Variants in BAZ2B observed in about 807,000 individuals in gnomAD.
BAZ2B encodes the protein bromodomain adjacent to zinc finger domain protein 2B.
BAZ2B carries 91 observed loss-of-function variants against 246.0 expected under a neutral mutation model. The ratio of observed to expected loss-of-function variants is 0.37; its 90% CI spans 0.31 to 0.44. The LOEUF (loss-of-function observed/expected upper bound fraction) is 0.44, where lower values mean the gene tolerates loss of function less well. Among genes scored for constraint, BAZ2B ranks in the 20% least tolerant of loss-of-function variants. BAZ2B has a pLI of 1.00. For missense variants in BAZ2B, 2,332 were observed against 2,533.7 expected (o/e 0.92, Z 1.71); for synonymous variants, 855 against 860.0 (o/e 0.99, Z 0.10).
At chr2:159,402,641 T>C (rs1008319225) in intron 16 of BAZ2B, among the ~76,000 whole-genome samples, 1 of 152,196 alleles carries the variant, frequency 6.6e-6, no homozygotes, top group South Asian at 2.1e-4. Context: ...TATAACATTA[T>C]AAGGTGCTAT....
At chr2:159,393,226 T>A (rs1166024243) in intron 20 of BAZ2B, among the ~76,000 whole-genome samples, 5 of 152,158 alleles carry the variant, frequency 3.3e-5, no homozygotes, top group Admixed American at 3.3e-4. Flanking sequence ...TTTATCGTAA[T>A]TGCAATGAGA....
At chr2:159,678,283 G>GATCA in the BAZ2B span, among the ~76,000 whole-genome samples, 14 of 152,252 alleles carry the variant, frequency 9.2e-5, no homozygotes, top group East Asian at 2.7e-3. Flanking sequence ...TAAGTTATTT[G>GATCA]ATCAAGTTCC....
chr2:159,365,188 T>G (rs536031209), intron 27 of BAZ2B, among the ~76,000 whole-genome samples: 30 of 152,270 alleles, frequency 2.0e-4, no homozygotes, highest in African/African-American at 7.0e-4. Flanking sequence ...CCATGTAGAA[T>G]GGTATTGCCA....
chr2:159,591,272 A>G (rs1482455311), intron 1 of BAZ2B, among the ~76,000 whole-genome samples: 3 of 152,244 alleles, frequency 2.0e-5, no homozygotes, highest in Non-Finnish European at 2.9e-5. Context: ...AATGAAAATT[A>G]AGTTCCAGAC....
chr2:159,399,056 C>T lies in BAZ2B; in HGVS notation c.2899-162G>A, dbSNP rs1342923443. ...TCCCCCCAGTTAACATTATGTTTAA[C>T]GTAATAATTTTGTTTCTAATTTATA... On this transcript the variant is annotated intron_variant, in intron 17 of 36. Coordinates refer to ENST00000392783, the MANE Select transcript of BAZ2B (RefSeq NM_013450.4). The T allele has an allele frequency of 6.5e-5, 35 of 535,008 alleles. 1 individual carries two copies. In the Middle Eastern group the frequency reaches 1.7e-3, roughly 25 times the overall value. The allele number at this position is 535,008 out of a possible 1,614,324, so 33.1% of individuals were successfully genotyped here. A position where few individuals can be genotyped will look rare whatever the true frequency, so the allele number is the denominator to read the frequency against.
chr2:159,360,845 T>C (rs1483162100), intron 27 of BAZ2B, among the ~76,000 whole-genome samples: 1 of 152,126 alleles, frequency 6.6e-6, no homozygotes, highest in African/African-American at 2.4e-5. Context: ...AAACAAGCAA[T>C]GGGGAAAGGA....
At chr2:159,400,781 C>G in intron 16 of BAZ2B, 117 bp from the exon 17 acceptor site, 1 of 563,328 alleles carries the variant, frequency 1.8e-6, no homozygotes, top group South Asian at 2.1e-5. Flanking sequence ...TGGCTCACAC[C>G]TGTAATCCCA....
the BAZ2B span, among the ~76,000 whole-genome samples, chr2:159,633,381 T>A: frequency 6.6e-6 from 1 of 152,172 alleles, no homozygotes; most frequent in East Asian, 1.9e-4. Context: ...AATGACTACT[T>A]TTTCTGGGTA....
At chr2:159,423,000 T>C (rs961460365) in intron 13 of BAZ2B, among the ~76,000 whole-genome samples, 3 of 152,042 alleles carry the variant, frequency 2.0e-5, no homozygotes, top group Non-Finnish European at 4.4e-5. Context: ...TGAAATACTA[T>C]CTCATTCTGA....
chr2:159,457,496 C>T (rs1440372136), intron 3 of BAZ2B, among the ~76,000 whole-genome samples: 1 of 152,200 alleles, frequency 6.6e-6, no homozygotes, highest in Non-Finnish European at 1.5e-5. Flanking sequence ...AAAAAGCTGT[C>T]TTGAGTCTTT....
intron 2 of BAZ2B, among the ~76,000 whole-genome samples, chr2:159,539,192 G>A (rs1249881861): frequency 6.6e-6 from 1 of 152,132 alleles, no homozygotes; most frequent in African/African-American, 2.4e-5. Flanking sequence ...ATAATGACCA[G>A]TTTATGTGTC....
chr2:159,685,194 G>C, the BAZ2B span, among the ~76,000 whole-genome samples: 1 of 152,082 alleles, frequency 6.6e-6, no homozygotes, highest in Admixed American at 6.6e-5. Flanking sequence ...TATGGAAAAA[G>C]CTACAAATAA....
intron 1 of BAZ2B, among the ~76,000 whole-genome samples, chr2:159,582,356 C>T (rs938644411): frequency 6.6e-5 from 10 of 152,178 alleles, no homozygotes; most frequent in Non-Finnish European, 7.3e-5. Context: ...AAGAATATAT[C>T]GCTTTGTAAT....
chr2:159,690,182 G>A, the BAZ2B span: 10 of 478,426 alleles, frequency 2.1e-5, no homozygotes, highest in East Asian at 5.2e-5. Context: ...GGTGACTAGC[G>A]TCTTTCCAAC....
At chr2:159,504,034 T>C (rs1169137879) in intron 2 of BAZ2B, among the ~76,000 whole-genome samples, 1 of 152,210 alleles carries the variant, frequency 6.6e-6, no homozygotes, top group Non-Finnish European at 1.5e-5. Flanking sequence ...TGTTGATTAG[T>C]ATATTTATCC....
chr2:159,680,141 C>G, the BAZ2B span, among the ~76,000 whole-genome samples: 1 of 152,032 alleles, frequency 6.6e-6, no homozygotes, highest in African/African-American at 2.4e-5. Flanking sequence ...TAGTTCTGGA[C>G]AGCTATCAGT....
intron 2 of BAZ2B, among the ~76,000 whole-genome samples, chr2:159,487,867 G>C (rs925603203): frequency 1.8e-4 from 28 of 151,638 alleles, no homozygotes; most frequent in Non-Finnish European, 4.0e-4. Context: ...AAGAATAATA[G>C]TGTTCCTGAG....
At chr2:159,479,075 AT>A (rs2078957728) in intron 2 of BAZ2B, among the ~76,000 whole-genome samples, 3 of 152,024 alleles carry the variant, frequency 2.0e-5, no homozygotes, top group Non-Finnish European at 4.4e-5. Flanking sequence ...CAGAATTCCT[AT>A]GTTACCTTAA....
intron 3 of BAZ2B, 24 bp from the exon 4 acceptor site, chr2:159,453,825 A>G (rs765573547): frequency 7.1e-6 from 11 of 1,543,486 alleles, no homozygotes; most frequent in South Asian, 1.3e-5. Flanking sequence ...AAACACACTT[A>G]AAGTTGTACT....
Sources: gnomAD v4.1 joint callset for allele counts (sites outside exome capture counted in the v4.1 genomes callset) on GRCh38, gnomAD v4.1.1 for gene constraint, MANE v1.5 for transcripts, NCBI Gene and HGNC (gene_info 2026-07-23, HGNC 2026-07-21) for gene names.